The following SAMD5 variants were observed in gnomAD, a reference collection of about 807,000 sequenced individuals.
The protein encoded by SAMD5 is sterile alpha motif domain-containing protein 5.
A neutral mutation model predicts 11.3 loss-of-function variants in SAMD5; 13 were observed. That is an observed-to-expected ratio of 1.15 (90% confidence interval 0.75 to 1.83). The LOEUF (loss-of-function observed/expected upper bound fraction) is 1.83, where lower values mean the gene tolerates loss of function less well. Ranked by LOEUF, SAMD5 falls within the 40% of genes most tolerant of loss-of-function variation. The probability of loss-of-function intolerance (pLI) is 0.00; values close to 1 mark genes in which losing one functional copy is unlikely to be tolerated. For missense variants in SAMD5, 255 were observed against 239.1 expected, an observed-to-expected ratio of 1.07 and a Z score of -0.44; for synonymous variants, 129 against 111.3, an observed-to-expected ratio of 1.16 and a Z score of -1.00.
At chr6:147,634,887 G>C (rs1315747436) in intron 1 of SAMD5, among the ~76,000 whole-genome samples, 1 of 151,866 alleles carries the variant, frequency 6.6e-6, no homozygotes, top group Non-Finnish European at 1.5e-5. Flanking sequence ...GATTAAATGA[G>C]TGTGAAATTA....
the SAMD5 span, among the ~76,000 whole-genome samples, chr6:147,929,750 T>C: frequency 6.6e-6 from 1 of 152,186 alleles, no homozygotes; most frequent in Non-Finnish European, 1.5e-5. Context: ...ATTTTCTGAA[T>C]TGGTGAACAA....
chr6:147,932,587 ATTGTGTGTGTGT>A, the SAMD5 span, among the ~76,000 whole-genome samples: 70 of 118,978 alleles, frequency 5.9e-4, no homozygotes, highest in African/African-American at 2.2e-3. Context: ...GTCTTACAGA[ATTGTGTGTGTGT>A]GTGTGTGTGT....
the SAMD5 span, among the ~76,000 whole-genome samples, chr6:147,856,232 AGACTT>A: frequency 2.0e-5 from 3 of 152,340 alleles, no homozygotes; most frequent in South Asian, 6.2e-4. Flanking sequence ...AATGCAAACT[AGACTT>A]TAGTGAAAGA....
At chr6:147,937,304 A>G in the SAMD5 span, among the ~76,000 whole-genome samples, 1 of 152,204 alleles carries the variant, frequency 6.6e-6, no homozygotes, top group Non-Finnish European at 1.5e-5. Flanking sequence ...TCCAGGAATC[A>G]TCCAGAGCTA....
the SAMD5 span, among the ~76,000 whole-genome samples, chr6:147,877,896 T>C: frequency 1.8e-5 from 1 of 54,232 alleles, no homozygotes; most frequent in African/African-American, 1.0e-4. Flanking sequence ...GATAGATAGC[T>C]AGATAGATAG....
At chr6:147,605,408 C>A (rs1032075544) in intron 1 of SAMD5, among the ~76,000 whole-genome samples, 19 of 152,172 alleles carry the variant, frequency 1.2e-4, no homozygotes, top group African/African-American at 4.3e-4. Context: ...AACCTCCATA[C>A]CTGGCCTTGT....
At chr6:147,587,387 G>T (rs1789389070) in intron 1 of SAMD5, among the ~76,000 whole-genome samples, 1 of 151,976 alleles carries the variant, frequency 6.6e-6, no homozygotes, top group South Asian at 2.1e-4. Context: ...ATAGGCATGT[G>T]CCACTGTGCC....
intron 1 of SAMD5, among the ~76,000 whole-genome samples, chr6:147,610,971 G>A (rs1417098229): frequency 6.6e-6 from 1 of 150,894 alleles, no homozygotes; most frequent in African/African-American, 2.4e-5. Flanking sequence ...CCGAGTTCAA[G>A]CTATTCTCCT....
chr6:147,660,760 A>G (rs1311140655), intron 1 of SAMD5: 1 of 151,544 alleles, frequency 6.6e-6, no homozygotes, highest in East Asian at 1.9e-4. Context: ...TTCGCGTTCT[A>G]CCTCGATTGA....
chr6:147,874,346 C>T, the SAMD5 span, among the ~76,000 whole-genome samples: 9 of 152,304 alleles, frequency 5.9e-5, no homozygotes, highest in South Asian at 8.3e-4. Flanking sequence ...CCATGTGTTG[C>T]ATTAGGTAAT....
chr6:147,690,719 T>C (rs1791088602), intron 1 of SAMD5, among the ~76,000 whole-genome samples: 1 of 152,152 alleles, frequency 6.6e-6, no homozygotes, highest in African/African-American at 2.4e-5. Context: ...TGAGAAGACT[T>C]TGATTCAGTT....
At chr6:147,641,219 A>ATATGGATGT (rs1239314242) in intron 1 of SAMD5, among the ~76,000 whole-genome samples, 1 of 152,218 alleles carries the variant, frequency 6.6e-6, no homozygotes, top group African/African-American at 2.4e-5. Flanking sequence ...TCTGATTCAA[A>ATATGGATGT]TATGGATGTC....
At chr6:147,615,797 T>A (rs1031573529) in intron 1 of SAMD5, among the ~76,000 whole-genome samples, 28 of 152,342 alleles carry the variant, frequency 1.8e-4, no homozygotes, top group African/African-American at 6.7e-4. Flanking sequence ...AACTGAAATG[T>A]TTGCAGTTGA....
chr6:147,592,533 A>G (rs1789471604), intron 1 of SAMD5, among the ~76,000 whole-genome samples: 1 of 152,102 alleles, frequency 6.6e-6, no homozygotes, highest in African/African-American at 2.4e-5. Flanking sequence ...AGTGAACATA[A>G]TTTAAAGAAT....
chr6:147,744,259 A>G, the SAMD5 span, among the ~76,000 whole-genome samples: 2 of 152,350 alleles, frequency 1.3e-5, no homozygotes, highest in East Asian at 3.9e-4. Context: ...TAAAAAGAAG[A>G]TAATATTATT....
chr6:147,852,270 A>C, the SAMD5 span, among the ~76,000 whole-genome samples: 1 of 152,158 alleles, frequency 6.6e-6, no homozygotes, highest in Admixed American at 6.5e-5. Context: ...TATATACTAC[A>C]TATGGATACC....
chr6:147,524,201 C>G (rs1304405972), intron 1 of SAMD5, among the ~76,000 whole-genome samples: 2 of 151,942 alleles, frequency 1.3e-5, no homozygotes, highest in Non-Finnish European at 2.9e-5. Flanking sequence ...ATTGACTCTT[C>G]CGCTCTTCTT....
the SAMD5 span, among the ~76,000 whole-genome samples, chr6:147,869,439 G>T: frequency 6.6e-6 from 1 of 152,206 alleles, no homozygotes; most frequent in Non-Finnish European, 1.5e-5. Context: ...GGAGGCAGAA[G>T]TGTTTCCTAC....
chr6:147,545,063 C>T (rs1261430295), intron 1 of SAMD5, among the ~76,000 whole-genome samples: 1 of 152,066 alleles, frequency 6.6e-6, no homozygotes, highest in East Asian at 1.9e-4. Context: ...AAAATGCACC[C>T]AGTAATTACA....
Sources: gnomAD v4.1 joint callset for allele counts (sites outside exome capture counted in the v4.1 genomes callset) on GRCh38, gnomAD v4.1.1 for gene constraint, MANE v1.5 for transcripts, NCBI Gene and HGNC (gene_info 2026-07-23, HGNC 2026-07-21) for gene names.